ADAMTS6: variants seen among roughly 807,000 people sequenced by gnomAD.
The protein encoded by ADAMTS6 is A disintegrin and metalloproteinase with thrombospondin motifs 6.
Under a neutral mutation model 144.3 loss-of-function variants are expected in ADAMTS6, and 23 were observed. The ratio of observed to expected loss-of-function variants is 0.16; its 90% CI spans 0.11 to 0.23. ADAMTS6 has a LOEUF of 0.23. ADAMTS6 is among the 10% of genes least tolerant of loss of function. The probability of loss-of-function intolerance (pLI) is 1.00; values close to 1 mark genes in which losing one functional copy is unlikely to be tolerated. For missense variants in ADAMTS6, 999 were observed against 1,379.6 expected (o/e 0.72, Z 4.37); for synonymous variants, 444 against 457.5 (o/e 0.97, Z 0.38).
At chr5:65,363,340 C>T (rs4700674) in intron 7 of ADAMTS6, among the ~76,000 whole-genome samples, 8,174 of 152,194 alleles carry the variant, frequency 0.054, 270 homozygotes, top group East Asian at 0.11. Context: ...GTTTAATCTA[C>T]GACCAGCAAG....
Position 65,398,790 on chromosome 5 carries a change from A to G in ADAMTS6, c.1073+52685T>C, listed in dbSNP as rs868611576. ...GAGAAAGAAGAGAGAGCAAGAAAGA[A>G]AGAAAGAAAGAAAGAAAGAAAGAAA... On this transcript the variant is annotated intron_variant, in intron 7 of 24. Coordinates refer to ENST00000381055, the MANE Select transcript of ADAMTS6 (RefSeq NM_197941.4). 6.5e-3 allele frequency among the ~76,000 whole-genome samples: 151 copies of G among 23,118 alleles called. 3 individuals carry two copies. Among genetic ancestry groups the G allele is most frequent in the African/African-American group, 0.024 (150 of 6,136 alleles). The allele number at this position is 23,118 out of a possible 152,430, so 15.2% of individuals were successfully genotyped here.
rs376602091 is a variant in ADAMTS6 at position 65,451,554 on chromosome 5, T to C, written c.994A>G (p.Ile332Val). ...TTTCCATCACTTTGGTGGGAGAGAA[T>C]GGATTTCTGCCATTTACAGAAGCTA... ...LDSFCKWQKS[I>V]LSHQSDGNTI... Residue 332 changes from isoleucine (I) to valine (V), a missense_variant, in exon 7 of 25, where the codon ATT (isoleucine) becomes GTT (valine). By Grantham distance (29) the Ile-to-Val change is conservative (BLOSUM62 3). Transcript: ENST00000381055. 1.2e-6 allele frequency: 2 copies of C among 1,613,414 alleles called. No individual in the cohort carries two copies. The highest frequency in any genetic ancestry group is 2.7e-5 in the African/African-American group (2 of 74,890).
At chr5:65,247,678 C>T (rs1052193848) in intron 14 of ADAMTS6, among the ~76,000 whole-genome samples, 1 of 151,862 alleles carries the variant, frequency 6.6e-6, no homozygotes, top group African/African-American at 2.4e-5. Flanking sequence ...CTTTCCTTTC[C>T]TCTCCTCCTC....
chr5:65,272,448 C>T (rs872044), intron 12 of ADAMTS6, among the ~76,000 whole-genome samples: 1,955 of 152,140 alleles, frequency 0.013, 23 homozygotes, highest in Non-Finnish European at 0.019. Context: ...CTCGAGCTTC[C>T]CACTTAGCTG....
At chr5:65,372,815 C>T (rs1177096370) in intron 7 of ADAMTS6, among the ~76,000 whole-genome samples, 2 of 152,172 alleles carry the variant, frequency 1.3e-5, no homozygotes, top group Non-Finnish European at 2.9e-5. Context: ...TTTTTCTTAG[C>T]ACCACACCAC....
At chr5:65,377,615 T>A (rs1751678649) in intron 7 of ADAMTS6, among the ~76,000 whole-genome samples, 1 of 152,242 alleles carries the variant, frequency 6.6e-6, no homozygotes, top group Admixed American at 6.5e-5. Flanking sequence ...TTTGACTCTA[T>A]GTACCTCATT....
chr5:65,250,950 T>A (rs1297572511), intron 14 of ADAMTS6, among the ~76,000 whole-genome samples: 1 of 152,194 alleles, frequency 6.6e-6, no homozygotes, highest in Admixed American at 6.5e-5. Flanking sequence ...AACACTAACC[T>A]TTAACTTCTG....
intron 7 of ADAMTS6, among the ~76,000 whole-genome samples, chr5:65,428,541 A>C (rs1372140788): frequency 6.6e-6 from 1 of 152,208 alleles, no homozygotes; most frequent in East Asian, 1.9e-4. Flanking sequence ...TCAAGGAAAA[A>C]CCAGGGGGAC....
chr5:65,392,073 TC>T (rs1386992985), intron 7 of ADAMTS6, among the ~76,000 whole-genome samples: 1 of 152,268 alleles, frequency 6.6e-6, no homozygotes, highest in East Asian at 1.9e-4. Flanking sequence ...ATCTTCCCTT[TC>T]TTTTAATAAA....
rs190385812 is a variant in ADAMTS6, at chr5:65,403,122, G to A, written c.1073+48353C>T. On this transcript the variant is annotated intron_variant, in intron 7 of 24. Transcript: ENST00000381055. ...ACTATCACAGTCATCTGATATAGAT[G>A]ATGATGCTTTCCTCCTTGAAACAAT... is the stretch of plus-strand genomic sequence containing the variant. Among the ~76,000 whole-genome samples the A allele has an allele frequency of 9.9e-5, 15 of 152,214 alleles. No individual in the cohort carries two copies. In the East Asian group the frequency reaches 2.9e-3, roughly 29 times the overall value.
In ADAMTS6 at chr5:65,329,446, C is replaced by T. The variant is rs761554392; in HGVS notation, c.1155G>A (p.Arg385=). The T allele has an allele frequency of 2.5e-6, 4 of 1,612,684 alleles. No homozygotes were observed. Among genetic ancestry groups the T allele is most frequent in the Non-Finnish European group, 3.4e-6 (4 of 1,179,258 alleles). The change falls in exon 9 of 25, where the codon AGG becomes AGA. Residue 385 remains arginine (R), a synonymous_variant. Transcript: ENST00000381055. ...ASVAGMCEPE[R]SCSINEDIGL... is the part of the protein sequence containing the mutation. Reference sequence around the variant, plus strand: ...CAATGTCTTCATTAATGCTGCAGCTCCTTTCAGGCTCACACATTCCAGCCA... The same window carrying T: ...CAATGTCTTCATTAATGCTGCAGCTTCTTTCAGGCTCACACATTCCAGCCA...
intron 7 of ADAMTS6, among the ~76,000 whole-genome samples, chr5:65,368,431 T>G (rs1274237608): frequency 1.3e-5 from 2 of 152,196 alleles, no homozygotes; most frequent in Non-Finnish European, 1.5e-5. Context: ...TGTGCCTTCC[T>G]CTACTAAAGA....
chr5:65,260,593 T>A lies in ADAMTS6; in HGVS notation c.1830+7A>T. On this transcript the variant is annotated splice_region_variant and intron_variant, in intron 14 of 24. Coordinates refer to ENST00000381055, the MANE Select transcript of ADAMTS6 (RefSeq NM_197941.4). ...AATTTTTCATAACAGAGTTTGGTTTTACTTACATCTGTGTTACAGGAGCGA... is the reference window on the plus strand; with the variant it reads ...AATTTTTCATAACAGAGTTTGGTTTAACTTACATCTGTGTTACAGGAGCGA... 1 of 1,612,610 alleles carries A rather than the reference T, an allele frequency of 6.2e-7. No individual in the cohort carries two copies. Among genetic ancestry groups the A allele is most frequent in the Non-Finnish European group, 8.5e-7 (1 of 1,179,236 alleles).
chr5:65,436,558 G>A (rs889367342), intron 7 of ADAMTS6, among the ~76,000 whole-genome samples: 2 of 152,086 alleles, frequency 1.3e-5, no homozygotes, highest in Non-Finnish European at 2.9e-5. Flanking sequence ...AATCTTGGCC[G>A]GGCGCAGTGG....
At chr5:65,409,691 C>CA (rs1179906404) in intron 7 of ADAMTS6, among the ~76,000 whole-genome samples, 2 of 151,940 alleles carry the variant, frequency 1.3e-5, no homozygotes, top group African/African-American at 4.8e-5. Context: ...AGAGACACAA[C>CA]AAAAAAAGAG....
intron 18 of ADAMTS6, 100 bp downstream of exon 18, chr5:65,224,220 G>C (rs1184509372): frequency 1.1e-6 from 1 of 931,876 alleles, no homozygotes; most frequent in Non-Finnish European, 1.7e-6. Flanking sequence ...GCATGAAAGT[G>C]ATCTACCTCA....
intron 14 of ADAMTS6, among the ~76,000 whole-genome samples, chr5:65,246,243 T>C (rs1759623286): frequency 6.6e-6 from 1 of 152,200 alleles, no homozygotes; most frequent in Admixed American, 6.6e-5. Flanking sequence ...GAACAAATCT[T>C]ACCCTAAACT....
intron 7 of ADAMTS6, among the ~76,000 whole-genome samples, chr5:65,437,698 T>G (rs1757551106): frequency 6.6e-6 from 1 of 152,238 alleles, no homozygotes; most frequent in African/African-American, 2.4e-5. Flanking sequence ...TGTGATCAAA[T>G]AGTGTAGTAT....
chr5:65,356,711 A>G (rs1749357713), intron 7 of ADAMTS6, among the ~76,000 whole-genome samples: 2 of 152,028 alleles, frequency 1.3e-5, no homozygotes, highest in South Asian at 4.2e-4. Flanking sequence ...CCATACTAAC[A>G]TTTATCACTT....
Sources: gnomAD v4.1 joint callset for allele counts (sites outside exome capture counted in the v4.1 genomes callset) on GRCh38, gnomAD v4.1.1 for gene constraint, MANE v1.5 for transcripts, NCBI Gene and HGNC (gene_info 2026-07-23, HGNC 2026-07-21) for gene names.